Variants in PISD observed in about 807,000 individuals in gnomAD.
PISD encodes phosphatidylserine decarboxylase, also known as phosphatidylserine decarboxylase proenzyme, mitochondrial.
Under a neutral mutation model 43.5 loss-of-function variants are expected in PISD, and 31 were observed. The observed-to-expected ratio is 0.71, with a 90% CI of 0.54 to 0.96. The LOEUF is 0.96. Ranked by LOEUF, PISD falls within the 40% of genes least tolerant of loss-of-function variation. The pLI is 0.00. For missense variants in PISD, 523 were observed against 548.4 expected (o/e 0.95, Z 0.46); for synonymous variants, 259 against 228.7 (o/e 1.13, Z -1.20).
chr22:31,637,150 AAAAAAAAAAAAAAAATATATATATATAT>A (rs1471823754), intron 3 of PISD, among the ~76,000 whole-genome samples: 2 of 19,304 alleles, frequency 1.0e-4, no homozygotes, highest in African/African-American at 2.1e-4. Flanking sequence ...AATTAAAAAA[AAAAAAAAAAAAAAAATATATATATATAT>A]ATATATATAT....
intron 1 of PISD, among the ~76,000 whole-genome samples, chr22:31,658,191 C>T (rs1483252404): frequency 6.6e-6 from 1 of 152,154 alleles, no homozygotes; most frequent in Non-Finnish European, 1.5e-5. Flanking sequence ...AAACAGATGT[C>T]TCTTCTACAT....
chr22:31,625,938 G>C, intron 3 of PISD: 25 of 1,504,918 alleles, frequency 1.7e-5, no homozygotes, highest in Non-Finnish European at 2.1e-5. Flanking sequence ...CTCTGCCTCT[G>C]CGAGGCTGGT....
At chr22:31,637,131 TAATAAATAAATTAAAAAA>T (rs2073472733) in intron 3 of PISD, among the ~76,000 whole-genome samples, 1 of 66,510 alleles carries the variant, frequency 1.5e-5, no homozygotes, top group African/African-American at 5.6e-5. Flanking sequence ...AAAAAAATAA[TAATAAATAAATTAAAAAA>T]AAAAAAAAAA....
Position 31,621,033 on chromosome 22 carries a change from G to A in PISD, c.807C>T (p.Pro269=), listed in dbSNP as rs372082408. Residue 269 remains proline (P), a synonymous_variant, in exon 6 of 8, where the codon CCC becomes CCT. Coordinates refer to ENST00000439502, the MANE Select transcript of PISD (RefSeq NM_001326411.2). Reference sequence around the variant, plus strand: ...GCCGGTGGGACACAGTCCAGTCGGTGGGGGAGTGGAAGCAGTGGTAGTCCC... The same window carrying A: ...GCCGGTGGGACACAGTCCAGTCGGTAGGGGAGTGGAAGCAGTGGTAGTCCC... ...APGDYHCFHS[P]TDWTVSHRRH... 3.7e-6 allele frequency: 6 copies of A among 1,613,776 alleles called. No individual in the cohort carries two copies. The highest frequency in any genetic ancestry group is 2.2e-5 in the South Asian group (2 of 91,078).
At position 31,621,846 on chromosome 22, in the gene PISD, G is replaced by A. The variant is rs758087409; in HGVS notation, c.361C>T (p.Arg121Trp). 7.4e-6 allele frequency: 12 copies of A among 1,611,606 alleles called. No homozygotes were observed. The highest frequency in any genetic ancestry group is 4.5e-5 in the East Asian group (2 of 44,900). ...YKSVPTRLLS[R>W]AWGRLNQVEL... ...ACCTGATTGAGGCGACCCCAGGCCC[G>A]TGACAGCAAGCGCGTTGGCACTGAC... The change falls in exon 4 of 8, where the codon CGG (arginine) becomes TGG (tryptophan). Residue 121 changes from arginine (R) to tryptophan (W), a missense_variant. By Grantham distance (101) the Arg-to-Trp change is moderately radical (BLOSUM62 -3). Transcript: ENST00000439502.
intron 3 of PISD, among the ~76,000 whole-genome samples, chr22:31,624,677 A>ACC (rs2072779961): frequency 1.4e-5 from 2 of 146,526 alleles, no homozygotes; most frequent in African/African-American, 2.5e-5. Flanking sequence ...ACACACACAC[A>ACC]CACCCATCCC....
At chr22:31,651,122 C>A (rs2074018888) in intron 1 of PISD, among the ~76,000 whole-genome samples, 1 of 152,072 alleles carries the variant, frequency 6.6e-6, no homozygotes, top group South Asian at 2.1e-4. Flanking sequence ...CGCCACCACA[C>A]CTGGCTAACT....
At chr22:31,652,139 TTG>T (rs370054504) in intron 1 of PISD, among the ~76,000 whole-genome samples, 2 of 151,208 alleles carry the variant, frequency 1.3e-5, no homozygotes, top group Non-Finnish European at 3.0e-5. Flanking sequence ...GTTATGTCTT[TTG>T]TGTGTGTGTG....
At chr22:31,661,601 G>C (rs1265611549) in intron 1 of PISD, among the ~76,000 whole-genome samples, 1 of 152,134 alleles carries the variant, frequency 6.6e-6, no homozygotes. Context: ...AAGAGAGACA[G>C]CTGGACTCAG....
chr22:31,628,817 G>A (rs1027206286), intron 3 of PISD: 16 of 985,206 alleles, frequency 1.6e-5, no homozygotes, highest in Non-Finnish European at 1.9e-5. Flanking sequence ...ACCTAGGAGC[G>A]CGACGCAGCC....
intron 3 of PISD, chr22:31,625,518 G>A (rs2072855473): frequency 3.3e-6 from 2 of 597,656 alleles, no homozygotes; most frequent in South Asian, 4.0e-5. Flanking sequence ...GCAGGCATGA[G>A]GTCTGAGGCT....
At chr22:31,624,794 G>C (rs1473588473) in intron 3 of PISD, among the ~76,000 whole-genome samples, 3 of 148,508 alleles carry the variant, frequency 2.0e-5, no homozygotes, top group Non-Finnish European at 3.0e-5. Context: ...CAGCCTCTCT[G>C]TGATCCGGCC....
intron 1 of PISD, among the ~76,000 whole-genome samples, chr22:31,660,914 T>C (rs1244057746): frequency 6.6e-6 from 1 of 152,046 alleles, no homozygotes; most frequent in Non-Finnish European, 1.5e-5. Flanking sequence ...TTGTATTTTT[T>C]AGTAGAGACA....
chr22:31,645,921 A>T (rs2073875433), intron 3 of PISD, among the ~76,000 whole-genome samples: 1 of 151,660 alleles, frequency 6.6e-6, no homozygotes, highest in Non-Finnish European at 1.5e-5. Flanking sequence ...TTGTGTTCAG[A>T]CTTGGGTCAC....
intron 3 of PISD, among the ~76,000 whole-genome samples, chr22:31,636,292 T>A (rs738685): frequency 0.45 from 68,906 of 151,788 alleles, 16,033 homozygotes; most frequent in Middle Eastern, 0.59. Context: ...ATTTTTTTTT[T>A]ATTCTAAACG....
At chr22:31,657,136 T>G (rs1209157559) in intron 1 of PISD, among the ~76,000 whole-genome samples, 1 of 152,114 alleles carries the variant, frequency 6.6e-6, no homozygotes, top group African/African-American at 2.4e-5. Context: ...ACTCTTTTAG[T>G]GTTTTGTTTT....
At chr22:31,662,222 T>G (rs1482962634), upstream of PISD, 12 of 1,601,842 alleles carry the variant, frequency 7.5e-6, no homozygotes, top group African/African-American at 1.3e-5. Flanking sequence ...GTCTGCTCCT[T>G]CTCAGCGTGC....
intron 3 of PISD, among the ~76,000 whole-genome samples, chr22:31,637,014 G>A (rs535188432): frequency 6.6e-5 from 10 of 150,544 alleles, no homozygotes; most frequent in East Asian, 5.9e-4. Context: ...TTCGTTGGGC[G>A]CAGTAGCTCA....
At chr22:31,650,429 T>C (rs2073999752) in intron 2 of PISD, among the ~76,000 whole-genome samples, 1 of 151,812 alleles carries the variant, frequency 6.6e-6, no homozygotes, top group Non-Finnish European at 1.5e-5. Flanking sequence ...TCCCAGCTAC[T>C]TGGAGAATGA....
Sources: gnomAD v4.1 joint callset for allele counts (sites outside exome capture counted in the v4.1 genomes callset) on GRCh38, gnomAD v4.1.1 for gene constraint, MANE v1.5 for transcripts, NCBI Gene and HGNC (gene_info 2026-07-23, HGNC 2026-07-21) for gene names.